ZNF385D: variants seen among roughly 807,000 people sequenced by gnomAD.
ZNF385D encodes zinc finger protein 385D.
In ZNF385D, 15 loss-of-function variants were observed where a neutral mutation model predicts 35.8. The observed-to-expected ratio is 0.42, with a 90% CI of 0.28 to 0.64. The LOEUF (loss-of-function observed/expected upper bound fraction) is 0.64, where lower values mean the gene tolerates loss of function less well. Among genes scored for constraint, ZNF385D ranks in the 30% least tolerant of loss-of-function variants. The probability of loss-of-function intolerance (pLI) is 0.23; values close to 1 mark genes in which losing one functional copy is unlikely to be tolerated. For synonymous variants in ZNF385D, 212 were observed against 186.8 expected (o/e 1.13, Z -1.10); for missense variants, 474 against 494.6 (o/e 0.96, Z 0.39).
chr3:21,977,439 A>C (rs997640559), intron 3 of ZNF385D, among the ~76,000 whole-genome samples: 2 of 152,212 alleles, frequency 1.3e-5, no homozygotes, highest in Non-Finnish European at 2.9e-5. Flanking sequence ...TTCAAGGAAC[A>C]CAAAGAATTA....
In ZNF385D at chr3:21,897,110, C is replaced by T. The variant is rs1165249260; in HGVS notation, c.326-232082G>A. The stretch of plus-strand genomic sequence containing the variant: ...TATTAAAGGCAAGACTTTGGCTGAT[C>T]AGGTGGAGGCTGCAATAGTCTTGCC... On this transcript the variant is annotated intron_variant, in intron 3 of 5. Transcript: ENST00000494108. Among the ~76,000 whole-genome samples, 3 of 152,094 alleles carry T rather than the reference C, an allele frequency of 2.0e-5. No individual in the cohort carries two copies. In the East Asian group the frequency reaches 5.8e-4, roughly 29 times the overall value.
intron 2 of ZNF385D, among the ~76,000 whole-genome samples, chr3:22,253,427 A>G (rs769546660): frequency 6.6e-6 from 1 of 152,034 alleles, no homozygotes; most frequent in Non-Finnish European, 1.5e-5. Context: ...CAGTAATTGT[A>G]AATTATAAAA....
chr3:21,815,549 C>A (rs928192156), intron 3 of ZNF385D, among the ~76,000 whole-genome samples: 1 of 152,194 alleles, frequency 6.6e-6, no homozygotes, highest in Non-Finnish European at 1.5e-5. Flanking sequence ...ATACTATAAA[C>A]ACCTCTCCAC....
intron 3 of ZNF385D, among the ~76,000 whole-genome samples, chr3:21,970,327 G>A (rs1703168516): frequency 6.6e-6 from 1 of 151,928 alleles, no homozygotes; most frequent in African/African-American, 2.4e-5. Context: ...ATTCAGAGAA[G>A]GAATTCAGAA....
intron 3 of ZNF385D, among the ~76,000 whole-genome samples, chr3:21,541,437 T>C (rs1431782633): frequency 6.6e-6 from 1 of 152,198 alleles, no homozygotes; most frequent in Non-Finnish European, 1.5e-5. Flanking sequence ...TTGAGAAAGG[T>C]AAATTATTTC....
intron 3 of ZNF385D, among the ~76,000 whole-genome samples, chr3:21,932,420 T>C (rs1008328330): frequency 2.6e-5 from 4 of 151,944 alleles, no homozygotes; most frequent in African/African-American, 9.7e-5. Flanking sequence ...AGATTTTTTT[T>C]TTAATTTTAA....
At chr3:22,192,147 T>C (rs1015496236) in intron 2 of ZNF385D, among the ~76,000 whole-genome samples, 3 of 152,124 alleles carry the variant, frequency 2.0e-5, no homozygotes, top group Non-Finnish European at 4.4e-5. Flanking sequence ...ACTAACAGAT[T>C]GCAGTAACTT....
intron 2 of ZNF385D, among the ~76,000 whole-genome samples, chr3:22,230,904 G>T (rs140272631): frequency 1.3e-5 from 2 of 152,112 alleles, no homozygotes; most frequent in Non-Finnish European, 2.9e-5. Flanking sequence ...TCAGGAAAAA[G>T]ATGAAAATTC....
intron 2 of ZNF385D, among the ~76,000 whole-genome samples, chr3:21,612,673 A>T (rs2064719271): frequency 6.6e-6 from 1 of 152,220 alleles, no homozygotes; most frequent in East Asian, 1.9e-4. Context: ...AAGAGAAACC[A>T]TTGACTCAGA....
chr3:22,122,470 T>G (rs1423324969), intron 3 of ZNF385D, among the ~76,000 whole-genome samples: 3 of 152,164 alleles, frequency 2.0e-5, no homozygotes, highest in East Asian at 1.9e-4. Context: ...AATGTATGTA[T>G]TGACTCTAAT....
At chr3:22,099,242 A>C (rs1157321374) in intron 3 of ZNF385D, among the ~76,000 whole-genome samples, 1 of 152,128 alleles carries the variant, frequency 6.6e-6, no homozygotes, top group East Asian at 1.9e-4. Context: ...AGCTACTGTT[A>C]TGGCATATAC....
chr3:22,153,887 G>A (rs1705421930), intron 3 of ZNF385D, among the ~76,000 whole-genome samples: 1 of 152,074 alleles, frequency 6.6e-6, no homozygotes, highest in Non-Finnish European at 1.5e-5. Context: ...CCCACACCAT[G>A]TGGGAGACAG....
chr3:21,701,398 G>T (rs2067678922), intron 1 of ZNF385D, among the ~76,000 whole-genome samples: 3 of 152,164 alleles, frequency 2.0e-5, no homozygotes, highest in Admixed American at 1.3e-4. Context: ...GCACGGGAAA[G>T]ACTGGGACCC....
At chr3:21,526,299 C>T (rs145659167) in intron 3 of ZNF385D, among the ~76,000 whole-genome samples, 3 of 152,006 alleles carry the variant, frequency 2.0e-5, no homozygotes, top group African/African-American at 4.8e-5. Context: ...TGGTCCTGCA[C>T]ACAAACTTCC....
Position 22,010,726 on chromosome 3 carries a change from CT to C in ZNF385D, c.325+158090del, listed in dbSNP as rs1363955464. Reference sequence around the variant, plus strand: ...CAGAGCCAGAAGAGAACCAGGTGAACTTTTTCCAGATGTATCACTATCTCCT... The same window carrying C: ...CAGAGCCAGAAGAGAACCAGGTGAACTTTTCCAGATGTATCACTATCTCCT... On this transcript the variant is annotated intron_variant, in intron 3 of 5. Transcript: ENST00000494108. 7.9e-5 allele frequency among the ~76,000 whole-genome samples: 12 copies of C among 152,154 alleles called. No homozygotes were observed. The South Asian group carries it at 8.3e-4, about 10-fold the overall frequency.
chr3:21,884,013 G>T (rs1476559245), intron 3 of ZNF385D, among the ~76,000 whole-genome samples: 1 of 151,984 alleles, frequency 6.6e-6, no homozygotes, highest in African/African-American at 2.4e-5. Context: ...TGAGAGGGTT[G>T]CTAAGGCTTT....
At chr3:22,200,747 C>T (rs1041435928) in intron 2 of ZNF385D, among the ~76,000 whole-genome samples, 2 of 151,994 alleles carry the variant, frequency 1.3e-5, no homozygotes, top group Non-Finnish European at 2.9e-5. Context: ...CCGGGGGGAC[C>T]GTCTATAGAC....
rs547246906 is a variant in ZNF385D, at chr3:21,888,045, TC to T, written c.326-223018del. On this transcript the variant is annotated intron_variant, in intron 3 of 5. Coordinates refer to the ZNF385D transcript ENST00000494108. ...TAAATGATTAAGAATCTGTTTACTT[TC>T]TTTTCCCCCTTTTATTCAAACTCAA... Among the ~76,000 whole-genome samples, 420 of 152,320 alleles carry T rather than the reference TC, an allele frequency of 2.8e-3. 2 individuals are homozygous for T. Among genetic ancestry groups the T allele is most frequent in the African/African-American group, 9.6e-3 (398 of 41,590 alleles).
intron 3 of ZNF385D, among the ~76,000 whole-genome samples, chr3:21,992,062 T>C (rs536040777): frequency 3.3e-5 from 5 of 152,196 alleles, no homozygotes; most frequent in Non-Finnish European, 5.9e-5. Flanking sequence ...CCTTATGTAG[T>C]TGCTGTGAGA....
Sources: gnomAD v4.1 joint callset for allele counts (sites outside exome capture counted in the v4.1 genomes callset) on GRCh38, gnomAD v4.1.1 for gene constraint, MANE v1.5 for transcripts, NCBI Gene and HGNC (gene_info 2026-07-23, HGNC 2026-07-21) for gene names.